The following KAZN variants were observed in gnomAD, a reference collection of about 807,000 sequenced individuals.
KAZN encodes the protein kazrin, periplakin interacting protein.
In KAZN, 40 loss-of-function variants were observed where a neutral mutation model predicts 87.4. The observed-to-expected ratio is 0.46, with a 90% CI of 0.36 to 0.60. The LOEUF (loss-of-function observed/expected upper bound fraction) is 0.60, where lower values mean the gene tolerates loss of function less well. KAZN is among the 20% of genes least tolerant of loss of function. The probability of loss-of-function intolerance (pLI) is 0.00; values close to 1 mark genes in which losing one functional copy is unlikely to be tolerated. For missense variants in KAZN, 898 were observed against 1,073.9 expected, an observed-to-expected ratio of 0.84 and a Z score of 2.29; for synonymous variants, 466 against 458.3, an observed-to-expected ratio of 1.02 and a Z score of -0.22.
At chr1:14,694,283 A>C (rs1641481688) in intron 1 of KAZN, among the ~76,000 whole-genome samples, 1 of 152,208 alleles carries the variant, frequency 6.6e-6, no homozygotes, top group Non-Finnish European at 1.5e-5. Context: ...CTGGCCAAGG[A>C]AGGGTCAATG....
At chr1:14,902,544 T>A (rs563437759) in intron 1 of KAZN, among the ~76,000 whole-genome samples, 4 of 152,220 alleles carry the variant, frequency 2.6e-5, no homozygotes, top group Admixed American at 6.5e-5. Flanking sequence ...GCAATTTTTT[T>A]AAATCTTCCA....
intron 1 of KAZN, among the ~76,000 whole-genome samples, chr1:14,742,461 GCATT>G (rs2100439148): frequency 6.6e-6 from 1 of 152,272 alleles, no homozygotes; most frequent in African/African-American, 2.4e-5. Flanking sequence ...TTAACTAAGT[GCATT>G]CTTGCGTACG....
At position 14,303,314 on chromosome 1, in the gene KAZN, G is replaced by A. The variant is rs79640590; in HGVS notation, c.249+122722G>A. Among the ~76,000 whole-genome samples the A allele has an allele frequency of 0.015, 2,355 of 152,150 alleles. 132 individuals carry two copies. The East Asian group carries it at 0.22, about 14-fold the overall frequency. ...GATGGAGTGCCGTGGTGAGATCTTGGCTCACTGCAACCTCCACCTCCCAGG... is the reference window on the plus strand; with the variant it reads ...GATGGAGTGCCGTGGTGAGATCTTGACTCACTGCAACCTCCACCTCCCAGG... On this transcript the variant is annotated intron_variant, in intron 2 of 16. Transcript: ENST00000636203.
At chr1:14,242,043 C>T (rs1648984175) in intron 2 of KAZN, among the ~76,000 whole-genome samples, 1 of 152,144 alleles carries the variant, frequency 6.6e-6, no homozygotes, top group Admixed American at 6.5e-5. Context: ...ATTTTCTGAC[C>T]TGTTGCTCCT....
chr1:14,721,493 C>T (rs543983420), intron 1 of KAZN, among the ~76,000 whole-genome samples: 25 of 152,278 alleles, frequency 1.6e-4, no homozygotes, highest in East Asian at 9.6e-4. Context: ...TGAGAACAGA[C>T]GAATAGACCT....
chr1:14,832,792 T>C (rs1647088222), intron 1 of KAZN, among the ~76,000 whole-genome samples: 1 of 152,112 alleles, frequency 6.6e-6, no homozygotes, highest in Admixed American at 6.6e-5. Context: ...ATTCACACAT[T>C]TAAATGGTTG....
intron 3 of KAZN, among the ~76,000 whole-genome samples, chr1:15,041,625 C>T (rs548577682): frequency 6.6e-6 from 1 of 152,286 alleles, no homozygotes; most frequent in African/African-American, 2.4e-5. Flanking sequence ...GCATGAGCCA[C>T]TGTGCCCGGC....
At position 14,829,338 on chromosome 1, in the gene KAZN, T is replaced by C. The variant is rs374064661; in HGVS notation, c.227-131346T>C. On this transcript the variant is annotated intron_variant, in intron 1 of 14. Coordinates refer to ENST00000376030, the MANE Select transcript of KAZN (RefSeq NM_201628.3). The stretch of plus-strand genomic sequence containing the variant: ...GGATAAGAAAAGAAGTGCAGAATTA[T>C]TTAGGAACATGTAACAGAGATGGAG... Among the ~76,000 whole-genome samples, 50 of 152,308 alleles carry C rather than the reference T, an allele frequency of 3.3e-4. 1 individual carries two copies. The East Asian group carries it at 6.6e-3, about 20-fold the overall frequency.
rs560763389 is a variant in KAZN, at chr1:14,957,127, C to T, written c.227-3557C>T. Among the ~76,000 whole-genome samples the T allele has an allele frequency of 4.6e-5, 7 of 152,284 alleles. No homozygotes were observed. In the East Asian group the frequency reaches 1.2e-3, roughly 25 times the overall value. Reference sequence around the variant, plus strand: ...AGGCCAGGAGTCTTTCCTTCTCTCTCCTGGCCTGGAATGTAGGTGGGCCCC... The same window carrying T: ...AGGCCAGGAGTCTTTCCTTCTCTCTTCTGGCCTGGAATGTAGGTGGGCCCC... On this transcript the variant is annotated intron_variant, in intron 1 of 14. Coordinates refer to ENST00000376030, the MANE Select transcript of KAZN (RefSeq NM_201628.3).
At chr1:14,115,244 C>A (rs1418781463) in intron 1 of KAZN, among the ~76,000 whole-genome samples, 2 of 152,202 alleles carry the variant, frequency 1.3e-5, no homozygotes, top group African/African-American at 4.8e-5. Flanking sequence ...ACTTCTTATG[C>A]AGCCACAAAT....
chr1:14,795,260 C>A (rs1645795813), intron 1 of KAZN, among the ~76,000 whole-genome samples: 1 of 152,116 alleles, frequency 6.6e-6, no homozygotes, highest in East Asian at 1.9e-4. Context: ...CTGACTAATA[C>A]AATGGGTGAA....
At chr1:15,037,014 G>C (rs543312962) in intron 3 of KAZN, among the ~76,000 whole-genome samples, 5 of 152,068 alleles carry the variant, frequency 3.3e-5, no homozygotes, top group Admixed American at 1.3e-4. Context: ...CCTTCCCCCT[G>C]TGCAGCGCGC....
At chr1:14,774,419 C>T (rs1361018250) in intron 1 of KAZN, among the ~76,000 whole-genome samples, 2 of 151,990 alleles carry the variant, frequency 1.3e-5, no homozygotes, top group East Asian at 1.9e-4. Context: ...CCCCTTCTCA[C>T]ACCCACACTC....
chr1:14,973,668 T>A (rs1665318115), intron 2 of KAZN, among the ~76,000 whole-genome samples: 1 of 152,156 alleles, frequency 6.6e-6, no homozygotes, highest in Admixed American at 6.5e-5. Flanking sequence ...CGCTTGGTAC[T>A]GTGGCATGCC....
At chr1:14,616,604 C>T (rs1178557119) in intron 1 of KAZN, among the ~76,000 whole-genome samples, 1 of 152,176 alleles carries the variant, frequency 6.6e-6, no homozygotes, top group African/African-American at 2.4e-5. Context: ...AGCGAAGGCT[C>T]ATTCCCCTGT....
rs1443320351 is a variant in KAZN, at chr1:15,115,510, G to C, written c.*875G>C. 1 of 152,202 alleles carries C rather than the reference G, an allele frequency of 6.6e-6. No homozygotes were observed. The highest frequency in any genetic ancestry group is 1.5e-5 in the Non-Finnish European group (1 of 68,046). 9.4% of individuals were successfully genotyped at this position (152,202 alleles called of 1,614,324 possible). Reference sequence around the variant, plus strand: ...CCCACTATCTGCACTCCGTGACAGTGGTATGGAGTGTGGCAATGAGTTTGG... The same window carrying C: ...CCCACTATCTGCACTCCGTGACAGTCGTATGGAGTGTGGCAATGAGTTTGG... On this transcript the variant is annotated 3_prime_UTR_variant, in exon 15 of 15. Coordinates refer to ENST00000376030, the MANE Select transcript of KAZN (RefSeq NM_201628.3). This position sits in a 1 kb window ranked among gnomAD's most constrained non-coding sequence, Gnocchi z 4.1.
intron 1 of KAZN, among the ~76,000 whole-genome samples, chr1:13,902,577 T>C (rs1185492167): frequency 6.6e-6 from 1 of 152,258 alleles, no homozygotes; most frequent in East Asian, 1.9e-4. Context: ...AAAAAGAGGC[T>C]GATGAATGGG....
chr1:14,158,790 A>T (rs1419792649), intron 1 of KAZN, among the ~76,000 whole-genome samples: 1 of 152,164 alleles, frequency 6.6e-6, no homozygotes, highest in Non-Finnish European at 1.5e-5. Flanking sequence ...CTTAGGTGTT[A>T]TGATCTAAGC....
chr1:14,162,087 G>C (rs1645721946), intron 1 of KAZN, among the ~76,000 whole-genome samples: 1 of 152,208 alleles, frequency 6.6e-6, no homozygotes, highest in Non-Finnish European at 1.5e-5. Context: ...CAAGGATCAA[G>C]AATAATTCCT....
Sources: allele counts gnomAD v4.1 joint callset (sites outside exome capture counted in the v4.1 genomes callset), GRCh38; gene constraint gnomAD v4.1.1; non-coding constraint Gnocchi (gnomAD v3.1); transcripts MANE v1.5; gene names NCBI Gene and HGNC (gene_info 2026-07-23, HGNC 2026-07-21).